Variants in CSTPP1 observed in about 807,000 individuals in gnomAD.
CSTPP1 encodes the protein UPF0705 protein C11orf49.
the CSTPP1 span, chr11:47,123,288 A>C: frequency 6.6e-6 from 1 of 152,184 alleles, no homozygotes; most frequent in Non-Finnish European, 1.5e-5. Context: ...GCTCCAGCTG[A>C]TTGTGGTCAT....
At chr11:47,157,959 C>T in the CSTPP1 span, 24 of 1,562,152 alleles carry the variant, frequency 1.5e-5, no homozygotes, top group Admixed American at 6.7e-5. Flanking sequence ...CCTCTCCTGC[C>T]GCACAACACA....
the CSTPP1 span, among the ~76,000 whole-genome samples, chr11:46,951,479 TTTG>T: frequency 2.0e-4 from 30 of 146,908 alleles, no homozygotes; most frequent in African/African-American, 7.3e-4. Flanking sequence ...AAATTCTTTG[TTTG>T]TTATGTTGCC....
At chr11:47,111,425 A>T in the CSTPP1 span, among the ~76,000 whole-genome samples, 1 of 151,994 alleles carries the variant, frequency 6.6e-6, no homozygotes, top group South Asian at 2.1e-4. Flanking sequence ...CATTTTCATC[A>T]TGACTTTGCG....
At chr11:46,999,239 AATTATAT>A in the CSTPP1 span, among the ~76,000 whole-genome samples, 1,624 of 151,176 alleles carry the variant, frequency 0.011, 23 homozygotes, top group African/African-American at 0.036. Context: ...ATAATATAAT[AATTATAT>A]ATTATAATAT....
At chr11:46,976,931 C>G in the CSTPP1 span, among the ~76,000 whole-genome samples, 433 of 152,278 alleles carry the variant, frequency 2.8e-3, no homozygotes, top group Non-Finnish European at 4.3e-3. Flanking sequence ...TGGACCCAAG[C>G]TATTGAAATC....
chr11:47,163,675 C>G, the CSTPP1 span, among the ~76,000 whole-genome samples: 1 of 152,154 alleles, frequency 6.6e-6, no homozygotes, highest in Non-Finnish European at 1.5e-5. Flanking sequence ...CAGGGTCTCA[C>G]TTTATCACCC....
chr11:46,979,636 G>C, the CSTPP1 span, among the ~76,000 whole-genome samples: 1 of 152,044 alleles, frequency 6.6e-6, no homozygotes, highest in Non-Finnish European at 1.5e-5. Context: ...AAAAAAAAAG[G>C]ACGCGGTGGC....
At chr11:47,023,775 T>G in the CSTPP1 span, among the ~76,000 whole-genome samples, 4 of 152,226 alleles carry the variant, frequency 2.6e-5, no homozygotes, top group Non-Finnish European at 5.9e-5. Flanking sequence ...TGTTGTACCA[T>G]GTATCAGATT....
the CSTPP1 span, among the ~76,000 whole-genome samples, chr11:47,122,069 C>CAAAAAAAAAAAAA: frequency 1.3e-3 from 28 of 21,986 alleles, 1 homozygote; most frequent in Non-Finnish European, 1.9e-3. Flanking sequence ...GACCCTGTCT[C>CAAAAAAAAAAAAA]AAAAAAAAAA....
At chr11:47,022,065 A>G in the CSTPP1 span, among the ~76,000 whole-genome samples, 1 of 149,828 alleles carries the variant, frequency 6.7e-6, no homozygotes, top group South Asian at 2.1e-4. Flanking sequence ...CGTAAGTCAT[A>G]TATGTTTATG....
chr11:47,099,508 G>A, the CSTPP1 span, among the ~76,000 whole-genome samples: 1 of 152,134 alleles, frequency 6.6e-6, no homozygotes, highest in Non-Finnish European at 1.5e-5. Flanking sequence ...CAACCTCTTT[G>A]GGAAGTTCTT....
At chr11:47,124,113 A>C in the CSTPP1 span, among the ~76,000 whole-genome samples, 1 of 61,190 alleles carries the variant, frequency 1.6e-5, no homozygotes, top group Non-Finnish European at 3.2e-5. Context: ...TAATGGTCTT[A>C]CTTTTTTTTT....
chr11:46,957,086 T>C, the CSTPP1 span, among the ~76,000 whole-genome samples: 7 of 152,142 alleles, frequency 4.6e-5, no homozygotes, highest in Non-Finnish European at 1.0e-4. Flanking sequence ...CCAGACTTTA[T>C]AGCCTAAGGT....
chr11:47,138,428 G>A, the CSTPP1 span, among the ~76,000 whole-genome samples: 4 of 152,182 alleles, frequency 2.6e-5, no homozygotes, highest in African/African-American at 9.7e-5. Context: ...GGGGGCAAGG[G>A]TTGGCAGTGA....
the CSTPP1 span, among the ~76,000 whole-genome samples, chr11:47,097,085 G>C: frequency 7.0e-6 from 1 of 142,332 alleles, no homozygotes; most frequent in Non-Finnish European, 1.6e-5. Flanking sequence ...CAGCCGCCCC[G>C]TCCGGGAGGG....
chr11:47,139,234 T>A, the CSTPP1 span, among the ~76,000 whole-genome samples: 1 of 151,836 alleles, frequency 6.6e-6, no homozygotes, highest in African/African-American at 2.4e-5. Context: ...AGTTGGAGGG[T>A]GGTGAGAGTA....
chr11:47,118,263 C>G, the CSTPP1 span, among the ~76,000 whole-genome samples: 2 of 152,150 alleles, frequency 1.3e-5, no homozygotes, highest in East Asian at 3.8e-4. Flanking sequence ...CTTGTGCATG[C>G]GTCACGAAGT....
chr11:47,060,670 G>A, the CSTPP1 span, among the ~76,000 whole-genome samples: 1 of 152,038 alleles, frequency 6.6e-6, no homozygotes, highest in East Asian at 1.9e-4. Context: ...TGGGGGTGAG[G>A]GATAAAGGAC....
At chr11:47,092,997 T>C in the CSTPP1 span, among the ~76,000 whole-genome samples, 2 of 152,196 alleles carry the variant, frequency 1.3e-5, no homozygotes, top group Admixed American at 6.5e-5. Flanking sequence ...AATAACTAGA[T>C]GAATGAATAA....
Sources: allele counts gnomAD v4.1 joint callset (sites outside exome capture counted in the v4.1 genomes callset), GRCh38; gene constraint gnomAD v4.1.1; transcripts MANE v1.5; gene names NCBI Gene and HGNC (gene_info 2026-07-23, HGNC 2026-07-21).